DGKI: variants seen among roughly 807,000 people sequenced by gnomAD.
DGKI encodes DAG kinase iota.
A neutral mutation model predicts 147.5 loss-of-function variants in DGKI; 55 were observed. The observed-to-expected ratio is 0.37, with a 90% CI of 0.30 to 0.47. The LOEUF is 0.47. Ranked by LOEUF, DGKI falls within the 20% of genes least tolerant of loss-of-function variation. DGKI has a pLI of 1.00. For missense variants in DGKI, 1,007 were observed against 1,323.8 expected (o/e 0.76, Z 3.71); for synonymous variants, 469 against 477.1 (o/e 0.98, Z 0.22).
intron 1 of DGKI, among the ~76,000 whole-genome samples, chr7:137,839,208 T>G (rs1255366984): frequency 6.6e-6 from 1 of 152,188 alleles, no homozygotes; most frequent in Non-Finnish European, 1.5e-5. Flanking sequence ...TCCAAAGCAC[T>G]AAGAAGCAGC....
chr7:137,753,440 C>T (rs1032892447), intron 1 of DGKI, among the ~76,000 whole-genome samples: 8 of 152,176 alleles, frequency 5.3e-5, no homozygotes, highest in Non-Finnish European at 1.0e-4. Context: ...GTTCCAAGGC[C>T]TTTCAGGGCA....
chr7:137,482,029 G>A (rs551719649), intron 23 of DGKI, among the ~76,000 whole-genome samples: 1 of 151,478 alleles, frequency 6.6e-6, no homozygotes, highest in Non-Finnish European at 1.5e-5. Flanking sequence ...GGACAAACTA[G>A]GGAATTCTGA....
intron 19 of DGKI, among the ~76,000 whole-genome samples, chr7:137,569,409 T>A (rs1818705707): frequency 6.6e-6 from 1 of 152,026 alleles, no homozygotes; most frequent in African/African-American, 2.4e-5. Context: ...TTCCATCATA[T>A]ACGGGCATGA....
intron 1 of DGKI, among the ~76,000 whole-genome samples, chr7:137,728,655 C>G (rs975472273): frequency 1.3e-5 from 2 of 152,146 alleles, no homozygotes; most frequent in Admixed American, 6.5e-5. Context: ...AGGCCTCCAT[C>G]TGCCATCATT....
intron 28 of DGKI, among the ~76,000 whole-genome samples, chr7:137,426,367 G>C (rs537486377): frequency 3.9e-4 from 60 of 152,000 alleles, no homozygotes; most frequent in Admixed American, 1.3e-3. Flanking sequence ...TTTGTCACCA[G>C]CAGGCCTGCC....
intron 12 of DGKI, among the ~76,000 whole-genome samples, chr7:137,590,720 C>T (rs1028973121): frequency 3.9e-5 from 6 of 152,094 alleles, no homozygotes; most frequent in African/African-American, 1.2e-4. Flanking sequence ...TTTTTTGAGA[C>T]AGAGTTTCAC....
chr7:137,839,711 T>C (rs1270598516), intron 1 of DGKI, among the ~76,000 whole-genome samples: 1 of 152,228 alleles, frequency 6.6e-6, no homozygotes, highest in Non-Finnish European at 1.5e-5. Context: ...AATTTAATTG[T>C]GGTTTAAATA....
intron 19 of DGKI, among the ~76,000 whole-genome samples, chr7:137,567,782 C>A (rs10267688): frequency 0.15 from 22,511 of 152,018 alleles, 2,670 homozygotes; most frequent in African/African-American, 0.32. Context: ...AAATAATATA[C>A]TGTTATTGTG....
intron 25 of DGKI, among the ~76,000 whole-genome samples, 156 bp from the exon 26 acceptor site, chr7:137,466,191 A>G (rs1528097): frequency 0.16 from 24,718 of 152,338 alleles, 4,232 homozygotes; most frequent in African/African-American, 0.44. Flanking sequence ...GCTAACGCAG[A>G]CAGTGGGAGA....
intron 1 of DGKI, among the ~76,000 whole-genome samples, chr7:137,741,384 T>C (rs1202654074): frequency 6.6e-6 from 1 of 152,222 alleles, no homozygotes; most frequent in Admixed American, 6.5e-5. Flanking sequence ...AGTGAAGTGC[T>C]GAGGTTTGAA....
chr7:137,429,592 A>T (rs1480811717), intron 28 of DGKI, among the ~76,000 whole-genome samples: 1 of 152,068 alleles, frequency 6.6e-6, no homozygotes, highest in Admixed American at 6.5e-5. Flanking sequence ...ACAGCAAAAA[A>T]AACTACCATC....
chr7:137,752,024 C>CAT (rs945353961), intron 1 of DGKI, among the ~76,000 whole-genome samples: 12 of 152,312 alleles, frequency 7.9e-5, no homozygotes, highest in Admixed American at 2.6e-4. Flanking sequence ...TACCCAAATA[C>CAT]ATAACTACAT....
Position 137,471,876 on chromosome 7 carries a change from G to T in DGKI, c.2374-2257C>A, listed in dbSNP as rs967915806. Among the ~76,000 whole-genome samples, 3 of 144,886 alleles carry T rather than the reference G, an allele frequency of 2.1e-5. No individual in the cohort carries two copies. In the Admixed American group the frequency reaches 2.1e-4, roughly 10 times the overall value. On this transcript the variant is annotated intron_variant, in intron 23 of 32. Transcript: ENST00000614521. ...ACAGAGATACTATATAATATATACAGAAAAAATATATGTTACATATAGTCT... is the reference window on the plus strand; with the variant it reads ...ACAGAGATACTATATAATATATACATAAAAAATATATGTTACATATAGTCT...
Position 137,387,960 on chromosome 7 carries a change from C to T in DGKI, c.*3260G>A, listed in dbSNP as rs1811227772. The T allele has an allele frequency of 6.6e-6, 1 of 152,156 alleles. No individual in the cohort carries two copies. The highest frequency in any genetic ancestry group is 1.5e-5 in the Non-Finnish European group (1 of 68,030). 9.4% of individuals were successfully genotyped at this position (152,156 alleles called of 1,614,324 possible). A position where few individuals can be genotyped will look rare whatever the true frequency, so the allele number is the denominator to read the frequency against. ...ATGAAAATGAAGTGATGTTGAGTAG[C>T]TCCCAGCACAGGCAGATCTGCCAAA... On this transcript the variant is annotated 3_prime_UTR_variant, in exon 33 of 33. Transcript: ENST00000614521.
chr7:137,425,918 T>A (rs1563011563), intron 28 of DGKI, among the ~76,000 whole-genome samples: 1 of 152,088 alleles, frequency 6.6e-6, no homozygotes. Flanking sequence ...CAAATCTACG[T>A]CTGATTGGTG....
rs1796276284 is a variant in DGKI at position 137,773,581 on chromosome 7, G to C, written c.401+72881C>G. ...AATAGGCAGCTATTGGTAAAGAAAA[G>C]ACAAGAAGCCAATTCAGAAAAATTC... On this transcript the variant is annotated intron_variant, in intron 1 of 32. Coordinates refer to ENST00000614521, the MANE Select transcript of DGKI (RefSeq NM_001321708.2). Among the ~76,000 whole-genome samples, 7 of 152,178 alleles carry C rather than the reference G, an allele frequency of 4.6e-5. No homozygotes were observed. The South Asian group carries it at 1.2e-3, about 27-fold the overall frequency.
At chr7:137,554,438 G>C (rs1818152013) in intron 19 of DGKI, among the ~76,000 whole-genome samples, 1 of 152,142 alleles carries the variant, frequency 6.6e-6, no homozygotes, top group South Asian at 2.1e-4. Context: ...TTAGTCTTCT[G>C]AGAACGTCAG....
intron 6 of DGKI, among the ~76,000 whole-genome samples, chr7:137,642,714 A>G (rs1821673910): frequency 6.6e-6 from 1 of 152,192 alleles, no homozygotes; most frequent in Non-Finnish European, 1.5e-5. Context: ...ACACACACTC[A>G]GCCAAACACA....
At chr7:137,712,058 C>T (rs1563162168) in intron 1 of DGKI, among the ~76,000 whole-genome samples, 1 of 151,990 alleles carries the variant, frequency 6.6e-6, no homozygotes, top group Non-Finnish European at 1.5e-5. Flanking sequence ...GTGCTTGGCA[C>T]ATAGAAATCA....
Sources: allele counts gnomAD v4.1 joint callset (sites outside exome capture counted in the v4.1 genomes callset), GRCh38; gene constraint gnomAD v4.1.1; transcripts MANE v1.5; gene names NCBI Gene and HGNC (gene_info 2026-07-23, HGNC 2026-07-21).